Variants in PTPRD observed in about 807,000 individuals in gnomAD.
PTPRD encodes protein tyrosine phosphatase receptor type D.
In PTPRD, 34 loss-of-function variants were observed where a neutral mutation model predicts 214.5. That is an observed-to-expected ratio of 0.16 (90% CI 0.12 to 0.21). PTPRD has a LOEUF of 0.21. Among genes scored for constraint, PTPRD ranks in the 10% least tolerant of loss-of-function variants. PTPRD has a pLI of 1.00. For missense variants in PTPRD, 2,545 were observed against 2,398.7 expected (o/e 1.06, Z -1.27); for synonymous variants, 1,128 against 845.7 (o/e 1.33, Z -5.79).
chr9:10,354,591 T>C (rs969987488), intron 2 of PTPRD, among the ~76,000 whole-genome samples: 4 of 152,220 alleles, frequency 2.6e-5, no homozygotes, highest in African/African-American at 9.6e-5. Context: ...TACAAGAATG[T>C]TTATTGTATT....
intron 3 of PTPRD, among the ~76,000 whole-genome samples, chr9:10,156,267 G>T (rs908672205): frequency 1.3e-5 from 2 of 151,880 alleles, no homozygotes; most frequent in Non-Finnish European, 2.9e-5. Flanking sequence ...TTAATGTGAG[G>T]ATTTAGTGCT....
At position 8,504,315 on chromosome 9, in the gene PTPRD, G is replaced by C. The variant is rs774444064; in HGVS notation, c.1768C>G (p.Pro590Ala). 2.5e-6 allele frequency: 4 copies of C among 1,614,054 alleles called. No individual in the cohort carries two copies. In the African/African-American group the frequency reaches 4.0e-5, roughly 16 times the overall value. The change falls in exon 23 of 46, where the codon CCT (proline) becomes GCT (alanine). Residue 590 changes from proline (P) to alanine (A), a missense_variant. Pro to Ala is a conservative substitution (Grantham distance 27). Coordinates refer to ENST00000381196, the MANE Select transcript of PTPRD (RefSeq NM_002839.4). ...LYYFRLAARS[P>A]QGLGASTAEI... ...GCAGTAGAAGCACCCAGGCCTTGAG[G>C]GGAGCGTGCAGCCAGACGGAAATAG...
At chr9:8,488,084 A>G (rs1459395709) in intron 27 of PTPRD, among the ~76,000 whole-genome samples, 2 of 152,146 alleles carry the variant, frequency 1.3e-5, no homozygotes, top group Non-Finnish European at 2.9e-5. Flanking sequence ...GCTTACAGTA[A>G]TGGGAAACAG....
intron 35 of PTPRD, among the ~76,000 whole-genome samples, chr9:8,421,054 G>C (rs1380179346): frequency 6.6e-6 from 1 of 152,074 alleles, no homozygotes; most frequent in African/African-American, 2.4e-5. Flanking sequence ...TAAAGTTGCT[G>C]TTCCTCCGTC....
intron 8 of PTPRD, among the ~76,000 whole-genome samples, chr9:9,549,800 A>T (rs78937794): frequency 0.017 from 2,517 of 152,230 alleles, 40 homozygotes; most frequent in Admixed American, 0.026. Flanking sequence ...AATGAAGAAT[A>T]GTCTTAAATA....
intron 4 of PTPRD, among the ~76,000 whole-genome samples, chr9:9,957,758 A>G (rs1293193458): frequency 6.6e-6 from 1 of 152,168 alleles, no homozygotes; most frequent in Non-Finnish European, 1.5e-5. Flanking sequence ...ATAAAGTTGG[A>G]AGACTGTCAC....
chr9:8,675,314 A>C (rs2097379268), intron 12 of PTPRD, among the ~76,000 whole-genome samples: 1 of 152,046 alleles, frequency 6.6e-6, no homozygotes, highest in African/African-American at 2.4e-5. Flanking sequence ...ATGAAATGGA[A>C]ATACAAAGGT....
At chr9:9,095,911 A>C (rs1205414277) in intron 10 of PTPRD, among the ~76,000 whole-genome samples, 3 of 152,184 alleles carry the variant, frequency 2.0e-5, no homozygotes, top group Non-Finnish European at 4.4e-5. Context: ...ATGGAATATT[A>C]TTCAGTCCCA....
chr9:9,652,167 C>G (rs1300552382), intron 7 of PTPRD, among the ~76,000 whole-genome samples: 1 of 151,982 alleles, frequency 6.6e-6, no homozygotes, highest in African/African-American at 2.4e-5. Context: ...TGTACTTTCT[C>G]AAAGTCATGC....
intron 9 of PTPRD, among the ~76,000 whole-genome samples, chr9:9,218,593 C>T (rs113596332): frequency 1.2e-4 from 18 of 152,180 alleles, no homozygotes; most frequent in African/African-American, 4.3e-4. Flanking sequence ...AAAGCTAAGT[C>T]CTTTGGTAAC....
chr9:9,936,220 T>A (rs955832430), intron 5 of PTPRD, among the ~76,000 whole-genome samples: 1 of 148,376 alleles, frequency 6.7e-6, no homozygotes, highest in African/African-American at 2.6e-5. Flanking sequence ...AAGCCAAAAT[T>A]GACAAATGGG....
chr9:8,755,350 T>C (rs1345020199), intron 11 of PTPRD, among the ~76,000 whole-genome samples: 1 of 151,628 alleles, frequency 6.6e-6, no homozygotes, highest in Non-Finnish European at 1.5e-5. Flanking sequence ...GCCAACATGG[T>C]GAAACCCTGT....
At chr9:8,497,345 G>A in intron 25 of PTPRD, 77 bp from the exon 26 acceptor site, 1 of 1,221,516 alleles carries the variant, frequency 8.2e-7, no homozygotes. Context: ...AGGCAGTGTT[G>A]CCCTTGTTAG....
intron 3 of PTPRD, among the ~76,000 whole-genome samples, chr9:10,334,130 T>C (rs2096800372): frequency 6.6e-6 from 1 of 151,612 alleles, no homozygotes; most frequent in Non-Finnish European, 1.5e-5. Flanking sequence ...AAAGTAAGTA[T>C]ACACAATATA....
At chr9:9,533,530 A>T (rs2075925548) in intron 8 of PTPRD, among the ~76,000 whole-genome samples, 1 of 151,418 alleles carries the variant, frequency 6.6e-6, no homozygotes, top group Non-Finnish European at 1.5e-5. Flanking sequence ...TTTTTCTGTA[A>T]TTTTTCTATT....
intron 44 of PTPRD, among the ~76,000 whole-genome samples, chr9:8,322,868 G>C (rs1563905835): frequency 6.6e-6 from 1 of 152,084 alleles, no homozygotes; most frequent in East Asian, 1.9e-4. Context: ...CTCTTGTTAG[G>C]GGCTCATGCA....
rs979905632 is a variant in PTPRD, at chr9:8,652,398, G to A, written c.65-15554C>T. 7.9e-5 allele frequency among the ~76,000 whole-genome samples: 12 copies of A among 152,290 alleles called. No homozygotes were observed. The East Asian group carries it at 2.1e-3, about 27-fold the overall frequency. On this transcript the variant is annotated intron_variant, in intron 12 of 45. Transcript: ENST00000381196. ...CCAATAATTACTGCCCTGGCACACGGCTATTGTTCACAGCATAAACAGAAG... is the reference window on the plus strand; with the variant it reads ...CCAATAATTACTGCCCTGGCACACGACTATTGTTCACAGCATAAACAGAAG...
At chr9:8,334,207 T>C (rs1490818385) in intron 43 of PTPRD, among the ~76,000 whole-genome samples, 3 of 152,182 alleles carry the variant, frequency 2.0e-5, no homozygotes, top group East Asian at 3.9e-4. Flanking sequence ...TACAGAACTC[T>C]CCACCCCAAA....
At chr9:8,674,640 C>A (rs2097363504) in intron 12 of PTPRD, among the ~76,000 whole-genome samples, 1 of 152,018 alleles carries the variant, frequency 6.6e-6, no homozygotes, top group Admixed American at 6.6e-5. Context: ...GTTTTAACAT[C>A]CAATTAAAAT....
Sources: gnomAD v4.1 joint callset for allele counts (sites outside exome capture counted in the v4.1 genomes callset) on GRCh38, gnomAD v4.1.1 for gene constraint, MANE v1.5 for transcripts, NCBI Gene and HGNC (gene_info 2026-07-23, HGNC 2026-07-21) for gene names.